Variants in RAP1A observed in about 807,000 individuals in gnomAD.
RAP1A encodes the protein RAP1A, member of RAS oncogene family, also known as ras-related protein Rap-1A.
RAP1A carries 6 observed loss-of-function variants against 26.4 expected under a neutral mutation model. The ratio of observed to expected loss-of-function variants is 0.23; its 90% CI spans 0.12 to 0.45. The LOEUF (loss-of-function observed/expected upper bound fraction) is 0.45. RAP1A is among the 20% of genes least tolerant of loss of function. The pLI is 0.99. For synonymous variants in RAP1A, 73 were observed against 79.4 expected (o/e 0.92, Z 0.43); for missense variants, 121 against 217.2 (o/e 0.56, Z 2.78).
At chr1:111,673,816 G>A (rs553264) in intron 1 of RAP1A, among the ~76,000 whole-genome samples, 129,420 of 152,180 alleles carry the variant, frequency 0.85, 55,140 homozygotes, top group East Asian at 1. Flanking sequence ...CTTATTGGGA[G>A]TTCATTTGTG....
intron 1 of RAP1A, among the ~76,000 whole-genome samples, chr1:111,584,110 G>C (rs1009458691): frequency 8.6e-5 from 13 of 151,914 alleles, no homozygotes; most frequent in African/African-American, 3.1e-4. Context: ...TTGAACTCCT[G>C]ACCTCAGGTG....
intron 1 of RAP1A, among the ~76,000 whole-genome samples, chr1:111,639,365 G>T (rs146791157): frequency 1.4e-5 from 2 of 144,984 alleles, no homozygotes; most frequent in African/African-American, 5.1e-5. Flanking sequence ...CTGGATTTAT[G>T]TAGGTTTCTT....
At chr1:111,572,927 G>A (rs1207526112) in intron 1 of RAP1A, among the ~76,000 whole-genome samples, 1 of 152,062 alleles carries the variant, frequency 6.6e-6, no homozygotes, top group Admixed American at 6.6e-5. Flanking sequence ...AGGCTCCAGT[G>A]TCTATCGTTC....
At chr1:111,579,980 G>A (rs1371373882) in intron 1 of RAP1A, among the ~76,000 whole-genome samples, 1 of 151,972 alleles carries the variant, frequency 6.6e-6, no homozygotes, top group Non-Finnish European at 1.5e-5. Flanking sequence ...ATTTTTAGTA[G>A]AGTCAGGGTT....
At chr1:111,607,485 A>G (rs923824444) in intron 1 of RAP1A, among the ~76,000 whole-genome samples, 4 of 151,866 alleles carry the variant, frequency 2.6e-5, no homozygotes, top group Non-Finnish European at 4.4e-5. Context: ...ATTCCACAAA[A>G]CCGCCATTGT....
At chr1:111,660,301 G>T (rs1346426085) in intron 1 of RAP1A, among the ~76,000 whole-genome samples, 2 of 152,206 alleles carry the variant, frequency 1.3e-5, no homozygotes, top group African/African-American at 4.8e-5. Flanking sequence ...CTATAGGTAA[G>T]ATGTTTTCCC....
chr1:111,550,672 C>T (rs1238649482), intron 1 of RAP1A, among the ~76,000 whole-genome samples: 1 of 152,162 alleles, frequency 6.6e-6, no homozygotes, highest in Non-Finnish European at 1.5e-5. Context: ...TGACTTCCAA[C>T]ATTTTAAAAG....
intron 6 of RAP1A, among the ~76,000 whole-genome samples, chr1:111,706,034 GA>G (rs773654148): frequency 2.0e-5 from 3 of 152,148 alleles, no homozygotes; most frequent in Non-Finnish European, 4.4e-5. Context: ...ACTTCCTCTG[GA>G]TTAGTTTCCA....
intron 1 of RAP1A, among the ~76,000 whole-genome samples, chr1:111,635,727 A>G (rs1271559908): frequency 2.6e-5 from 4 of 151,894 alleles, no homozygotes; most frequent in Non-Finnish European, 4.4e-5. Context: ...CACCACACCC[A>G]GTTAATCTTT....
chr1:111,610,918 G>A (rs1190642795), intron 1 of RAP1A, among the ~76,000 whole-genome samples: 4 of 152,104 alleles, frequency 2.6e-5, no homozygotes, highest in East Asian at 1.9e-4. Flanking sequence ...TTATAAATGC[G>A]AAAGCAAATA....
At chr1:111,669,069 A>G (rs1007412835) in intron 1 of RAP1A, among the ~76,000 whole-genome samples, 1 of 151,936 alleles carries the variant, frequency 6.6e-6, no homozygotes, top group African/African-American at 2.4e-5. Context: ...AAATGTATAA[A>G]TAAAAATCTT....
At chr1:111,700,549 G>A (rs1165304668) in intron 4 of RAP1A, among the ~76,000 whole-genome samples, 6 of 152,108 alleles carry the variant, frequency 3.9e-5, no homozygotes, top group Admixed American at 1.3e-4. Context: ...TCCAACACTG[G>A]GGATTACATT....
At chr1:111,581,269 A>G (rs1468979491) in intron 1 of RAP1A, among the ~76,000 whole-genome samples, 1 of 152,168 alleles carries the variant, frequency 6.6e-6, no homozygotes, top group African/African-American at 2.4e-5. Context: ...TATGATAGAA[A>G]GGAGCCAATA....
Position 111,686,713 on chromosome 1 carries a change from A to AAAAG in RAP1A, c.-27-4621_-27-4620insAAAG, listed in dbSNP as rs1553226001. ...CTCAAAAAAAAAAAAAAAAAAAAAA[A>AAAAG]GTTAGTTTATAAAGAAGACCTGGAA... On this transcript the variant is annotated intron_variant, in intron 1 of 7. Transcript: ENST00000369709. 25 of 148,892 alleles carry AAAAG rather than the reference A, an allele frequency of 1.7e-4. 2 individuals carry two copies. Among genetic ancestry groups the AAAAG allele is most frequent in the African/African-American group, 5.7e-4 (23 of 40,218 alleles). 9.2% of individuals were successfully genotyped at this position (148,892 alleles called of 1,614,324 possible). A position where few individuals can be genotyped will look rare whatever the true frequency, so the allele number is the denominator to read the frequency against.
At chr1:111,563,245 C>T (rs538082779) in intron 1 of RAP1A, among the ~76,000 whole-genome samples, 6 of 152,202 alleles carry the variant, frequency 3.9e-5, no homozygotes, top group African/African-American at 1.2e-4. Context: ...CACTGTACTA[C>T]AGCCAGGGCA....
At chr1:111,594,076 G>C (rs1351713491) in intron 1 of RAP1A, among the ~76,000 whole-genome samples, 1 of 152,148 alleles carries the variant, frequency 6.6e-6, no homozygotes, top group Non-Finnish European at 1.5e-5. Flanking sequence ...CACTTCACTT[G>C]ACCCTGCAGT....
intron 7 of RAP1A, among the ~76,000 whole-genome samples, chr1:111,711,454 T>C (rs1032065348): frequency 6.6e-6 from 1 of 152,206 alleles, no homozygotes; most frequent in African/African-American, 2.4e-5. Flanking sequence ...CCCTTGTGAG[T>C]TTTACCTTAG....
At chr1:111,704,309 T>A in intron 5 of RAP1A, 34 bp from the exon 6 acceptor site, 2 of 1,607,268 alleles carry the variant, frequency 1.2e-6, no homozygotes, top group Non-Finnish European at 1.7e-6. Flanking sequence ...AATGAGTATG[T>A]TATTGTTCAT....
intron 1 of RAP1A, among the ~76,000 whole-genome samples, chr1:111,605,623 T>C (rs1297181236): frequency 1.3e-5 from 2 of 152,156 alleles, no homozygotes; most frequent in East Asian, 3.8e-4. Flanking sequence ...TCTTGGTAGG[T>C]GAAGAAAGGA....
Sources: gnomAD v4.1 joint callset for allele counts (sites outside exome capture counted in the v4.1 genomes callset) on GRCh38, gnomAD v4.1.1 for gene constraint, MANE v1.5 for transcripts, NCBI Gene and HGNC (gene_info 2026-07-23, HGNC 2026-07-21) for gene names.